AFAP1: variants seen among roughly 807,000 people sequenced by gnomAD.
AFAP1 encodes the protein actin filament associated protein 1.
In AFAP1, 75 loss-of-function variants were observed where a neutral mutation model predicts 93.9. The ratio of observed to expected loss-of-function variants is 0.80; its 90% CI spans 0.66 to 0.97. The LOEUF (loss-of-function observed/expected upper bound fraction) is 0.97. Ranked by LOEUF, AFAP1 falls within the 50% of genes least tolerant of loss-of-function variation. AFAP1 has a pLI of 0.00. For missense variants in AFAP1, 1,201 were observed against 1,050.8 expected, an observed-to-expected ratio of 1.14 and a Z score of -1.98; for synonymous variants, 517 against 430.7, an observed-to-expected ratio of 1.20 and a Z score of -2.48.
At chr4:7,913,747 T>C (rs1476695772) in intron 1 of AFAP1, among the ~76,000 whole-genome samples, 1 of 152,226 alleles carries the variant, frequency 6.6e-6, no homozygotes. Flanking sequence ...CTCTATATTA[T>C]AAAATGCAAA....
chr4:7,774,959 T>C lies in AFAP1; in HGVS notation c.1898-56A>G, dbSNP rs74679949. Reference sequence around the variant, plus strand: ...ATTAGGTTTACTAGCCTGGGAAATATGGGACGATCCCTTCTCCACAAAAAA... The same window carrying C: ...ATTAGGTTTACTAGCCTGGGAAATACGGGACGATCCCTTCTCCACAAAAAA... On this transcript the variant is annotated intron_variant, in intron 14 of 17. Transcript: ENST00000420658. 2.0e-3 allele frequency: 3,088 copies of C among 1,582,832 alleles called. 80 individuals are homozygous for C. The East Asian group carries it at 0.055, about 28-fold the overall frequency.
Position 7,834,490 on chromosome 4 carries a change from T to C in AFAP1, c.726+4034A>G, listed in dbSNP as rs4376136. Among the ~76,000 whole-genome samples, 1,145 of 152,318 alleles carry C rather than the reference T, an allele frequency of 7.5e-3. 15 individuals carry two copies. Among genetic ancestry groups the C allele is most frequent in the African/African-American group, 0.026 (1,090 of 41,564 alleles). On this transcript the variant is annotated intron_variant, in intron 6 of 17. Transcript: ENST00000420658. Reference sequence around the variant, plus strand: ...TACTCATGTCACCAAACACCACCTGTTCCCCAATAACCTATGGAAATTTAA... The same window carrying C: ...TACTCATGTCACCAAACACCACCTGCTCCCCAATAACCTATGGAAATTTAA...
chr4:7,820,511 A>G (rs1431675906), intron 6 of AFAP1, among the ~76,000 whole-genome samples: 1 of 152,142 alleles, frequency 6.6e-6, no homozygotes, highest in Non-Finnish European at 1.5e-5. Flanking sequence ...CTGGTAAAAG[A>G]TGCTGAGCTG....
chr4:7,827,590 A>AAAAAAAAAAAAAAAAAAAAAG (rs1721544109), intron 6 of AFAP1, among the ~76,000 whole-genome samples: 1 of 142,382 alleles, frequency 7.0e-6, no homozygotes, highest in Non-Finnish European at 1.5e-5. Context: ...AAAAAAAAAA[A>AAAAAAAAAAAAAAAAAAAAAG]GGGAGAGGAG....
At chr4:7,768,264 A>T (rs1714905483) in intron 17 of AFAP1, among the ~76,000 whole-genome samples, 1 of 152,174 alleles carries the variant, frequency 6.6e-6, no homozygotes, top group South Asian at 2.1e-4. Flanking sequence ...TGCTTTGATC[A>T]ACTACTGTGT....
chr4:7,834,033 A>AAAATGTGGAACCAACCCAAATGC (rs1711959006), intron 6 of AFAP1, among the ~76,000 whole-genome samples: 1 of 151,910 alleles, frequency 6.6e-6, no homozygotes, highest in Non-Finnish European at 1.5e-5. Context: ...CACAATTGCA[A>AAAATGTGGAACCAACCCAAATGC]AAATGTGGAA....
At chr4:7,795,993 A>G (rs923425300) in intron 10 of AFAP1, among the ~76,000 whole-genome samples, 3 of 152,164 alleles carry the variant, frequency 2.0e-5, no homozygotes, top group African/African-American at 7.2e-5. Flanking sequence ...GCATATATGT[A>G]TGTATGCATG....
In AFAP1 at chr4:7,872,939, T is replaced by TAAA. The variant is rs1181240219; in HGVS notation, c.-2-862_-2-860dup. 1.4e-3 allele frequency among the ~76,000 whole-genome samples: 156 copies of TAAA among 110,004 alleles called. No homozygotes were observed. The South Asian group carries it at 0.016, about 12-fold the overall frequency. The allele number at this position is 110,004 out of a possible 152,430, so 72.2% of individuals were successfully genotyped here. On this transcript the variant is annotated intron_variant, in intron 1 of 17. Coordinates refer to ENST00000420658, the MANE Select transcript of AFAP1 (RefSeq NM_001134647.2). ...AGGTTTTTTTTCCTTTTTTTTTTTT[T>TAAA]AAAAAAAAAAAAAAAAAAAAACTAC...
At position 7,772,963 on chromosome 4, in the gene AFAP1, C is replaced by G; in HGVS notation, c.2110G>C (p.Glu704Gln). 6.2e-7 allele frequency: 1 copy of G among 1,613,176 alleles called. No individual in the cohort carries two copies. Among genetic ancestry groups the G allele is most frequent in the Non-Finnish European group, 8.5e-7 (1 of 1,180,010 alleles). ...ILEEKLKQLEEECRQKEAERV... is the reference protein window; with the variant it reads ...ILEEKLKQLEQECRQKEAERV... ...TCCGCCTCCTTCTGCCGGCACTCCT[C>G]CTCCAGCTGCTTCAGCTTCTCCTCC... The change falls in exon 16 of 18, where the codon GAG becomes CAG. Residue 704 changes from glutamate (E) to glutamine (Q), a missense_variant. Coordinates refer to ENST00000420658, the MANE Select transcript of AFAP1 (RefSeq NM_001134647.2).
At chr4:7,879,456 C>T (rs779572298) in intron 1 of AFAP1, among the ~76,000 whole-genome samples, 8 of 151,986 alleles carry the variant, frequency 5.3e-5, no homozygotes, top group Non-Finnish European at 8.8e-5. Flanking sequence ...GACAGAATGG[C>T]GAGGTCACCA....
At chr4:7,801,393 G>C (rs1719012775) in intron 9 of AFAP1, among the ~76,000 whole-genome samples, 1 of 151,982 alleles carries the variant, frequency 6.6e-6, no homozygotes, top group Non-Finnish European at 1.5e-5. Flanking sequence ...ATCACAGATA[G>C]AGGAGTGGTA....
intron 6 of AFAP1, among the ~76,000 whole-genome samples, chr4:7,836,117 T>A (rs1007329651): frequency 6.6e-6 from 1 of 151,486 alleles, no homozygotes; most frequent in Non-Finnish European, 1.5e-5. Flanking sequence ...TCAAAGTGGA[T>A]CAAAAATCTA....
intron 3 of AFAP1, among the ~76,000 whole-genome samples, chr4:7,867,046 GGAAAGAT>G (rs1560209536): frequency 7.2e-6 from 1 of 139,704 alleles, no homozygotes; most frequent in East Asian, 2.2e-4. Context: ...GGAGGAAAGA[GGAAAGAT>G]GAAAGAGGGG....
rs145536388 is a variant in AFAP1 at position 7,808,839 on chromosome 4, G to A, written c.1054+775C>T. 2.2e-3 allele frequency among the ~76,000 whole-genome samples: 333 copies of A among 152,204 alleles called. 2 individuals are homozygous for A. Among genetic ancestry groups the A allele is most frequent in the African/African-American group, 6.0e-3 (248 of 41,522 alleles). Reference sequence around the variant, plus strand: ...CCTGGCACCTGCTCCTCTTTCTCCTGCCATGTGACACACACCAGCTCCCCC... The same window carrying A: ...CCTGGCACCTGCTCCTCTTTCTCCTACCATGTGACACACACCAGCTCCCCC... On this transcript the variant is annotated intron_variant, in intron 9 of 17. Transcript: ENST00000420658.
rs200173646 is a variant in AFAP1, at chr4:7,847,792, T to TCGG, written c.335-4445_335-4443dup. Among the ~76,000 whole-genome samples, 74 of 36,594 alleles carry TCGG rather than the reference T, an allele frequency of 2.0e-3. 2 individuals are homozygous for TCGG. In the East Asian group the frequency reaches 0.11, roughly 56 times the overall value. The allele number at this position is 36,594 out of a possible 152,430, so 24.0% of individuals were successfully genotyped here. On this transcript the variant is annotated intron_variant, in intron 4 of 17. Transcript: ENST00000420658. ...CAGGAAGGTTCTATTTCAGGGGTAC[T>TCGG]CGGGGTGGGGCATTGATTAGATACC...
chr4:7,848,754 C>A (rs942463277), intron 4 of AFAP1, among the ~76,000 whole-genome samples: 1 of 152,166 alleles, frequency 6.6e-6, no homozygotes, highest in African/African-American at 2.4e-5. Context: ...AGGTCCCCCT[C>A]ATCTAGTCAA....
At chr4:7,910,650 G>A (rs943233402) in intron 1 of AFAP1, among the ~76,000 whole-genome samples, 8 of 152,136 alleles carry the variant, frequency 5.3e-5, no homozygotes, top group African/African-American at 1.9e-4. Context: ...TCTCTCCCCC[G>A]TTCACCCGTG....
At chr4:7,904,908 T>C (rs572668865) in intron 1 of AFAP1, among the ~76,000 whole-genome samples, 1 of 152,206 alleles carries the variant, frequency 6.6e-6, no homozygotes, top group South Asian at 2.1e-4. Context: ...GGGGTTTTGC[T>C]ATGTTGCCCA....
At chr4:7,845,159 C>A (rs1713536152) in intron 4 of AFAP1, among the ~76,000 whole-genome samples, 1 of 152,180 alleles carries the variant, frequency 6.6e-6, no homozygotes, top group Non-Finnish European at 1.5e-5. Context: ...TGGTGGCTCA[C>A]ACCTGTAATC....
Sources: gnomAD v4.1 joint callset for allele counts (sites outside exome capture counted in the v4.1 genomes callset) on GRCh38, gnomAD v4.1.1 for gene constraint, MANE v1.5 for transcripts, NCBI Gene and HGNC (gene_info 2026-07-23, HGNC 2026-07-21) for gene names.